Variants in HDAC9 observed in about 807,000 individuals in gnomAD.
The protein encoded by HDAC9 is histone deacetylase 9, also known as MEF-2 interacting transcription repressor (MITR) protein.
Under a neutral mutation model 139.4 loss-of-function variants are expected in HDAC9, and 41 were observed. The observed-to-expected ratio is 0.29, with a 90% CI of 0.23 to 0.38. HDAC9 has a LOEUF of 0.38. Among genes scored for constraint, HDAC9 ranks in the 10% least tolerant of loss-of-function variants. The probability of loss-of-function intolerance (pLI) is 1.00; values close to 1 mark genes in which losing one functional copy is unlikely to be tolerated. For missense variants in HDAC9, 1,147 were observed against 1,297.0 expected (o/e 0.88, Z 1.78); for synonymous variants, 517 against 476.2 (o/e 1.09, Z -1.12).
At chr7:18,546,585 T>A (rs1460709233) in intron 2 of HDAC9, among the ~76,000 whole-genome samples, 1 of 152,192 alleles carries the variant, frequency 6.6e-6, no homozygotes, top group Non-Finnish European at 1.5e-5. Flanking sequence ...CTTTAACACC[T>A]AGGATGAAGC....
At chr7:18,349,304 A>G (rs1782664595) in intron 1 of HDAC9, among the ~76,000 whole-genome samples, 1 of 129,958 alleles carries the variant, frequency 7.7e-6, no homozygotes, top group Non-Finnish European at 1.6e-5. Flanking sequence ...ACTTGAGAAC[A>G]TCTACACACA....
intron 2 of HDAC9, among the ~76,000 whole-genome samples, chr7:18,527,638 G>C (rs533404799): frequency 1.3e-5 from 2 of 152,010 alleles, no homozygotes; most frequent in African/African-American, 4.8e-5. Context: ...AGTTATTTTT[G>C]GTAAATAATT....
At chr7:18,244,812 A>AAT (rs1562787803) in intron 2 of HDAC9, among the ~76,000 whole-genome samples, 15 of 147,950 alleles carry the variant, frequency 1.0e-4, no homozygotes, top group South Asian at 2.2e-4. Flanking sequence ...TCTGTCTCAA[A>AAT]AATAATAATA....
intron 1 of HDAC9, among the ~76,000 whole-genome samples, chr7:18,336,012 ATTTAG>A (rs1016570788): frequency 6.6e-6 from 1 of 151,658 alleles, no homozygotes; most frequent in Non-Finnish European, 1.5e-5. Context: ...ATTATAAAAT[ATTTAG>A]TTTAGAGCAA....
At chr7:18,134,618 T>G (rs1297240582) in intron 1 of HDAC9, among the ~76,000 whole-genome samples, 1 of 152,170 alleles carries the variant, frequency 6.6e-6, no homozygotes, top group Admixed American at 6.6e-5. Context: ...GTGAACAACA[T>G]TATTACTCAT....
At chr7:18,727,554 C>T in intron 12 of HDAC9, 26 bp from the exon 13 acceptor site, 1 of 1,561,626 alleles carries the variant, frequency 6.4e-7, no homozygotes, top group Non-Finnish European at 8.7e-7. Flanking sequence ...ACATTTCTTT[C>T]TACTGTGCTC....
chr7:18,859,854 A>G lies in HDAC9; in HGVS notation c.2685-14624A>G, dbSNP rs1488423206. Among the ~76,000 whole-genome samples, 924 of 121,872 alleles carry G rather than the reference A, an allele frequency of 7.6e-3. 10 individuals carry two copies. The highest frequency in any genetic ancestry group is 0.01 in the Non-Finnish European group (594 of 58,272). The allele number at this position is 121,872 out of a possible 152,430, so 80.0% of individuals were successfully genotyped here. ...TATATATATATATATATATATATAT[A>G]TATATGTGAGAGAATGAGAGAGAGA... On this transcript the variant is annotated intron_variant, in intron 21 of 25. Coordinates refer to ENST00000686413, the MANE Select transcript of HDAC9 (RefSeq NM_178425.4).
chr7:18,571,255 C>T (rs1217949449), intron 2 of HDAC9, among the ~76,000 whole-genome samples: 7 of 152,182 alleles, frequency 4.6e-5, no homozygotes, highest in African/African-American at 1.7e-4. Flanking sequence ...TTTCAGTTCT[C>T]ATAAAACAAG....
chr7:18,889,115 C>T (rs942534785), intron 22 of HDAC9, among the ~76,000 whole-genome samples: 2 of 152,198 alleles, frequency 1.3e-5, no homozygotes, highest in East Asian at 1.9e-4. Context: ...ACTCTATGCT[C>T]CTCTGCCAAC....
Position 18,177,636 on chromosome 7 carries a change from C to A in HDAC9, c.25+15287C>A, listed in dbSNP as rs62449105. Among the ~76,000 whole-genome samples, 279 of 152,294 alleles carry A rather than the reference C, an allele frequency of 1.8e-3. 1 individual carries two copies. The highest frequency in any genetic ancestry group is 2.9e-3 in the Non-Finnish European group (198 of 68,024). ...GTGAGGCCTTCCTGGGTGACGCTGA[C>A]ATTTGTTACCTCTCTCAGTTCTGGA... On this transcript the variant is annotated intron_variant, in intron 2 of 12. Transcript: ENST00000417496.
chr7:18,446,761 T>G (rs11977831), intron 1 of HDAC9, among the ~76,000 whole-genome samples: 3,359 of 151,956 alleles, frequency 0.022, 133 homozygotes, highest in African/African-American at 0.077. Context: ...TCCTGCAAGA[T>G]GCATTTTTTG....
At chr7:18,956,769 C>T (rs912686586) in intron 24 of HDAC9, among the ~76,000 whole-genome samples, 6 of 152,070 alleles carry the variant, frequency 3.9e-5, no homozygotes, top group Non-Finnish European at 5.9e-5. Flanking sequence ...AGGCAGTCAA[C>T]CCACTTGACA....
chr7:18,981,657 A>C (rs1784959064), intron 25 of HDAC9, among the ~76,000 whole-genome samples: 1 of 152,098 alleles, frequency 6.6e-6, no homozygotes, highest in Non-Finnish European at 1.5e-5. Flanking sequence ...CAGTCATCAT[A>C]TCTCTCTCTG....
At chr7:18,931,844 G>C (rs1290885420) in intron 22 of HDAC9, among the ~76,000 whole-genome samples, 3 of 152,150 alleles carry the variant, frequency 2.0e-5, no homozygotes, top group Non-Finnish European at 1.5e-5. Flanking sequence ...TTGAGGGGCA[G>C]AGAGGGAGGA....
chr7:18,987,003 T>C (rs1482237152), intron 25 of HDAC9, among the ~76,000 whole-genome samples: 4 of 152,344 alleles, frequency 2.6e-5, no homozygotes, highest in African/African-American at 9.6e-5. Flanking sequence ...TACAATCATG[T>C]CATCTGCAAA....
intron 2 of HDAC9, among the ~76,000 whole-genome samples, chr7:18,209,420 T>C (rs934338664): frequency 6.6e-6 from 1 of 152,220 alleles, no homozygotes; most frequent in African/African-American, 2.4e-5. Context: ...GTGTTCTTTC[T>C]ATAGCCATAT....
At chr7:18,342,448 C>G (rs1403803303) in intron 1 of HDAC9, among the ~76,000 whole-genome samples, 2 of 151,772 alleles carry the variant, frequency 1.3e-5, no homozygotes, top group Non-Finnish European at 2.9e-5. Context: ...AATATTTTGT[C>G]CATTTTTAAT....
At chr7:18,432,198 T>A (rs975949605) in intron 1 of HDAC9, among the ~76,000 whole-genome samples, 46 of 152,204 alleles carry the variant, frequency 3.0e-4, no homozygotes, top group African/African-American at 9.9e-4. Flanking sequence ...CAAATGCTTA[T>A]TAAGTACCTA....
At position 18,872,430 on chromosome 7, in the gene HDAC9, A is replaced by G. The variant is rs530190831; in HGVS notation, c.2685-2048A>G. On this transcript the variant is annotated intron_variant, in intron 21 of 25. Transcript: ENST00000686413. ...AGCTATAGTTCCCCTGTAAGTGGGT[A>G]AGATGTCTTTATTAACAAAATATTT... Among the ~76,000 whole-genome samples, 26 of 152,134 alleles carry G rather than the reference A, an allele frequency of 1.7e-4. 1 individual carries two copies. Among genetic ancestry groups the G allele is most frequent in the Non-Finnish European group, 1.6e-4 (11 of 67,994 alleles).
Sources: gnomAD v4.1 joint callset for allele counts (sites outside exome capture counted in the v4.1 genomes callset) on GRCh38, gnomAD v4.1.1 for gene constraint, MANE v1.5 for transcripts, NCBI Gene and HGNC (gene_info 2026-07-23, HGNC 2026-07-21) for gene names.